Variants in ZFAND3 observed in about 807,000 individuals in gnomAD.
The protein encoded by ZFAND3 is zinc finger AN1-type containing 3, also known as AN1-type zinc finger protein 3.
Under a neutral mutation model 29.6 loss-of-function variants are expected in ZFAND3, and 10 were observed. The ratio of observed to expected loss-of-function variants is 0.34; its 90% CI spans 0.21 to 0.57. The LOEUF is 0.57. Ranked by LOEUF, ZFAND3 falls within the 20% of genes least tolerant of loss-of-function variation. The pLI is 0.86. For synonymous variants in ZFAND3, 128 were observed against 112.6 expected, an observed-to-expected ratio of 1.14 and a Z score of -0.87; for missense variants, 230 against 304.5, an observed-to-expected ratio of 0.76 and a Z score of 1.82.
At chr6:37,848,225 T>C (rs988849154) in intron 1 of ZFAND3, among the ~76,000 whole-genome samples, 7 of 152,278 alleles carry the variant, frequency 4.6e-5, no homozygotes, top group African/African-American at 1.7e-4. Context: ...TATTTTGTTC[T>C]AACATGCTGA....
intron 4 of ZFAND3, among the ~76,000 whole-genome samples, chr6:38,086,905 A>G (rs1764768912): frequency 6.6e-6 from 1 of 152,216 alleles, no homozygotes; most frequent in Non-Finnish European, 1.5e-5. Context: ...CAAAAAGAAC[A>G]AAACTGGAGG....
chr6:38,018,446 G>A (rs1002651078), intron 2 of ZFAND3, among the ~76,000 whole-genome samples: 1 of 151,914 alleles, frequency 6.6e-6, no homozygotes, highest in Middle Eastern at 3.2e-3. Context: ...TTTTTGAAGG[G>A]GAAGTACACA....
chr6:37,820,777 G>A (rs1423499148), intron 1 of ZFAND3, among the ~76,000 whole-genome samples: 1 of 152,192 alleles, frequency 6.6e-6, no homozygotes, highest in South Asian at 2.1e-4. Flanking sequence ...TGATAAAAAT[G>A]TTGACAGTGG....
chr6:38,124,517 G>A (rs1375424187), intron 5 of ZFAND3, among the ~76,000 whole-genome samples: 6 of 152,212 alleles, frequency 3.9e-5, no homozygotes, highest in African/African-American at 9.7e-5. Flanking sequence ...GAAATCGAGC[G>A]CAGTGCCGGT....
At chr6:38,023,694 C>G (rs960660051) in intron 2 of ZFAND3, among the ~76,000 whole-genome samples, 2 of 152,028 alleles carry the variant, frequency 1.3e-5, no homozygotes, top group African/African-American at 2.4e-5. Context: ...AGACAAATGT[C>G]TTTTACTTGT....
At chr6:37,897,870 CAAAAT>C (rs980064084) in intron 1 of ZFAND3, among the ~76,000 whole-genome samples, 6 of 152,134 alleles carry the variant, frequency 3.9e-5, no homozygotes, top group African/African-American at 9.7e-5. Context: ...CAAAAACACA[CAAAAT>C]AAATAAATTG....
Position 37,861,040 on chromosome 6 carries a change from C to CT in ZFAND3, c.71+41026dup, listed in dbSNP as rs1764481071. 2.6e-5 allele frequency among the ~76,000 whole-genome samples: 4 copies of CT among 152,072 alleles called. No individual in the cohort carries two copies. In the South Asian group the frequency reaches 8.3e-4, roughly 32 times the overall value. On this transcript the variant is annotated intron_variant, in intron 1 of 5. Coordinates refer to ENST00000287218, the MANE Select transcript of ZFAND3 (RefSeq NM_021943.3). ...TTGGGAGTCCCAGGCGGGCAAATCA[C>CT]TTGGCAAGGAGTTCAAGACCAGCCT...
At chr6:37,853,485 T>A (rs1170436613) in intron 1 of ZFAND3, among the ~76,000 whole-genome samples, 1 of 149,856 alleles carries the variant, frequency 6.7e-6, no homozygotes, top group African/African-American at 2.5e-5. Flanking sequence ...GATTTCAGAA[T>A]CTGGACCAGT....
intron 5 of ZFAND3, among the ~76,000 whole-genome samples, chr6:38,139,197 G>C (rs571956908): frequency 1.3e-5 from 2 of 152,270 alleles, no homozygotes; most frequent in Admixed American, 6.5e-5. Flanking sequence ...TTGAATACCT[G>C]ATTGGCCTTT....
At chr6:38,028,757 TG>T (rs1191385574) in intron 2 of ZFAND3, among the ~76,000 whole-genome samples, 3 of 152,304 alleles carry the variant, frequency 2.0e-5, no homozygotes, top group Non-Finnish European at 2.9e-5. Context: ...AGTGATTCTG[TG>T]GGGTCTTGGT....
chr6:37,926,656 T>C (rs541552958), intron 1 of ZFAND3, among the ~76,000 whole-genome samples: 117 of 152,286 alleles, frequency 7.7e-4, no homozygotes, highest in African/African-American at 2.7e-3. Flanking sequence ...TGATATCTTT[T>C]GGTAGCCATT....
intron 1 of ZFAND3, among the ~76,000 whole-genome samples, chr6:37,859,217 C>T (rs929870556): frequency 6.6e-6 from 1 of 152,190 alleles, no homozygotes; most frequent in East Asian, 1.9e-4. Context: ...TTGAAAGGAT[C>T]AAGTATGTTA....
rs555766204 is a variant in ZFAND3 at position 37,937,377 on chromosome 6, C to G, written c.112+7378C>G. Among the ~76,000 whole-genome samples the G allele has an allele frequency of 1.8e-4, 27 of 152,210 alleles. No homozygotes were observed. The South Asian group carries it at 4.8e-3, about 27-fold the overall frequency. On this transcript the variant is annotated intron_variant, in intron 2 of 5. Transcript: ENST00000287218. ...TTTCCCAAAAGAAAGCAACTGTTGG[C>G]CAGGCACAGTGGCTCATGCCTGTAA...
intron 2 of ZFAND3, among the ~76,000 whole-genome samples, chr6:37,978,532 T>C (rs1263451279): frequency 6.8e-6 from 1 of 146,118 alleles, no homozygotes; most frequent in East Asian, 2.1e-4. Context: ...AAATGTTTGA[T>C]GAGATTCATG....
chr6:38,087,136 G>A (rs373121845), intron 4 of ZFAND3, among the ~76,000 whole-genome samples: 1 of 152,176 alleles, frequency 6.6e-6, no homozygotes, highest in African/African-American at 2.4e-5. Flanking sequence ...GGATACTCAT[G>A]TGCAGAAGTA....
chr6:37,947,694 T>C (rs1334457175), intron 2 of ZFAND3, among the ~76,000 whole-genome samples: 2 of 151,744 alleles, frequency 1.3e-5, no homozygotes, highest in Non-Finnish European at 2.9e-5. Flanking sequence ...ATGATTAATA[T>C]ACATATATTG....
In ZFAND3 at chr6:38,150,759, AG is replaced by A. The variant is rs5875615; in HGVS notation, c.530-1473del. On this transcript the variant is annotated intron_variant, in intron 5 of 5. Transcript: ENST00000287218. ...CTGCCTGTTCTTTATGGCCTGGATG[AG>A]GGCTTAAAAGAAAGAAGTCTGAAAA... Among the ~76,000 whole-genome samples, 2,516 of 152,260 alleles carry A rather than the reference AG, an allele frequency of 0.017. 251 individuals carry two copies. The East Asian group carries it at 0.28, about 17-fold the overall frequency.
At chr6:37,873,016 T>C (rs1764722178) in intron 1 of ZFAND3, among the ~76,000 whole-genome samples, 1 of 152,194 alleles carries the variant, frequency 6.6e-6, no homozygotes. Context: ...CCCAGCACTT[T>C]GGGAGGCCGA....
chr6:37,983,294 G>A (rs1313176275), intron 2 of ZFAND3, among the ~76,000 whole-genome samples: 1 of 143,276 alleles, frequency 7.0e-6, no homozygotes, highest in East Asian at 2.1e-4. Flanking sequence ...TTCCAGTCCT[G>A]TAAGCTGCCT....
Sources: gnomAD v4.1 joint callset for allele counts (sites outside exome capture counted in the v4.1 genomes callset) on GRCh38, gnomAD v4.1.1 for gene constraint, MANE v1.5 for transcripts, NCBI Gene and HGNC (gene_info 2026-07-23, HGNC 2026-07-21) for gene names.